MED13L: variants seen among roughly 807,000 people sequenced by gnomAD.
MED13L encodes the protein mediator complex subunit 13L, also known as mediator of RNA polymerase II transcription subunit 13-like.
MED13L carries 7 observed loss-of-function variants against 220.9 expected under a neutral mutation model. That is an observed-to-expected ratio of 0.03 (90% CI 0.02 to 0.06). The LOEUF is 0.06. MED13L is among the 10% of genes least tolerant of loss of function. MED13L has a pLI of 1.00. For missense variants in MED13L, 1,965 were observed against 2,760.5 expected (o/e 0.71, Z 6.46); for synonymous variants, 1,011 against 1,015.2 (o/e 1.00, Z 0.08).
At chr12:116,213,954 C>G (rs1266987111) in intron 2 of MED13L, among the ~76,000 whole-genome samples, 4 of 152,202 alleles carry the variant, frequency 2.6e-5, no homozygotes, top group African/African-American at 9.6e-5. Context: ...GTGTTACATC[C>G]ATCTTGTATA....
At chr12:116,225,715 T>A (rs1337623720) in intron 2 of MED13L, among the ~76,000 whole-genome samples, 1 of 152,186 alleles carries the variant, frequency 6.6e-6, no homozygotes, top group Non-Finnish European at 1.5e-5. Flanking sequence ...TTTAAACAAG[T>A]TCAAGATTAC....
At chr12:116,041,660 C>T (rs922790360) in intron 4 of MED13L, among the ~76,000 whole-genome samples, 9 of 152,128 alleles carry the variant, frequency 5.9e-5, no homozygotes, top group African/African-American at 9.7e-5. Flanking sequence ...CTGGCTAACA[C>T]GGTGAAACCC....
At chr12:116,198,077 CATG>C (rs1881756611) in intron 2 of MED13L, among the ~76,000 whole-genome samples, 2 of 152,092 alleles carry the variant, frequency 1.3e-5, no homozygotes, top group South Asian at 4.2e-4. Context: ...ATAACCAAAA[CATG>C]ATGTTATTTG....
At chr12:116,256,315 A>G (rs1206980965) in intron 1 of MED13L, among the ~76,000 whole-genome samples, 1 of 151,884 alleles carries the variant, frequency 6.6e-6, no homozygotes. Flanking sequence ...ACCCTACTTA[A>G]GCAATAATAT....
intron 3 of MED13L, 76 bp from the exon 4 acceptor site, chr12:116,096,828 TGA>T: frequency 9.9e-7 from 1 of 1,013,690 alleles, no homozygotes; most frequent in Admixed American, 1.7e-5. Context: ...ATACACCAGA[TGA>T]GATATATCAC....
intron 4 of MED13L, among the ~76,000 whole-genome samples, chr12:116,080,349 C>T (rs1047322997): frequency 1.3e-5 from 2 of 152,096 alleles, no homozygotes; most frequent in Non-Finnish European, 2.9e-5. Context: ...ATTAGAAGTT[C>T]CCCAAGATAC....
intron 4 of MED13L, among the ~76,000 whole-genome samples, chr12:116,073,977 ACTG>A (rs1233129779): frequency 6.6e-6 from 1 of 152,194 alleles, no homozygotes; most frequent in African/African-American, 2.4e-5. Context: ...GCTTTATGTG[ACTG>A]CTAACAGGGT....
At position 116,200,587 on chromosome 12, in the gene MED13L, G is replaced by A. The variant is rs111467243; in HGVS notation, c.310+36881C>T. Among the ~76,000 whole-genome samples the A allele has an allele frequency of 6.0e-3, 917 of 152,174 alleles. 8 individuals carry two copies. The highest frequency in any genetic ancestry group is 0.021 in the African/African-American group (856 of 41,532). ...AAAGTGCTAACAGAAGAATATGTACGTAAACTGTCCTCAATGAGCCTACAC... is the reference window on the plus strand; with the variant it reads ...AAAGTGCTAACAGAAGAATATGTACATAAACTGTCCTCAATGAGCCTACAC... On this transcript the variant is annotated intron_variant, in intron 2 of 30. Coordinates refer to ENST00000281928, the MANE Select transcript of MED13L (RefSeq NM_015335.5).
chr12:116,174,540 G>A (rs1879908993), intron 2 of MED13L: 1 of 151,560 alleles, frequency 6.6e-6, no homozygotes, highest in African/African-American at 2.4e-5. Context: ...AGGAACCTAA[G>A]GTCAAAGCAT....
chr12:115,986,561 G>T, intron 18 of MED13L, 72 bp from the exon 19 acceptor site: 8 of 1,374,402 alleles, frequency 5.8e-6, no homozygotes, highest in South Asian at 3.6e-5. Context: ...GAAATTCCTG[G>T]TGCACTGGTC....
intron 2 of MED13L, among the ~76,000 whole-genome samples, chr12:116,125,577 T>C (rs1181999476): frequency 6.6e-6 from 1 of 152,222 alleles, no homozygotes; most frequent in Non-Finnish European, 1.5e-5. Flanking sequence ...CTTAAAATTT[T>C]CATCATCTGA....
rs371783899 is a variant in MED13L at position 116,236,809 on chromosome 12, T to G, written c.310+659A>C. The G allele has an allele frequency of 9.4e-5, 91 of 972,584 alleles. No individual in the cohort carries two copies. In the East Asian group the frequency reaches 6.3e-3, roughly 67 times the overall value. 60.2% of individuals were successfully genotyped at this position (972,584 alleles called of 1,614,324 possible). On this transcript the variant is annotated intron_variant, in intron 2 of 30. Transcript: ENST00000281928. ...AAATATATAAAGCAGCACAGAAAAA[T>G]GAAACTCTTACATTAATTCAGTTTC...
At chr12:116,263,144 TTG>T (rs1565956207) in intron 1 of MED13L, among the ~76,000 whole-genome samples, 3 of 152,168 alleles carry the variant, frequency 2.0e-5, no homozygotes. Context: ...CTGAAAATTT[TTG>T]AAGTACCTTT....
intron 7 of MED13L, among the ~76,000 whole-genome samples, chr12:116,017,730 C>T (rs1879811555): frequency 1.3e-5 from 2 of 152,182 alleles, no homozygotes; most frequent in South Asian, 2.1e-4. Context: ...ATCTTCCCAC[C>T]TCAGCCTCCC....
chr12:116,063,202 C>T (rs1342552539), intron 4 of MED13L, among the ~76,000 whole-genome samples: 1 of 152,150 alleles, frequency 6.6e-6, no homozygotes, highest in African/African-American at 2.4e-5. Flanking sequence ...CAGAAGACCA[C>T]TTTTTTGTAC....
chr12:116,023,950 A>G (rs941157759), intron 4 of MED13L, among the ~76,000 whole-genome samples: 3 of 152,234 alleles, frequency 2.0e-5, no homozygotes, highest in Admixed American at 1.3e-4. Flanking sequence ...CATCTTCTAC[A>G]TACAACATTA....
chr12:116,007,353 T>C, intron 11 of MED13L, 58 bp downstream of exon 11: 1 of 1,491,802 alleles, frequency 6.7e-7, no homozygotes, highest in Non-Finnish European at 9.4e-7. Flanking sequence ...CCACACATGT[T>C]GTACTGACAT....
chr12:116,145,719 G>C (rs1386317182), intron 2 of MED13L, among the ~76,000 whole-genome samples: 1 of 138,564 alleles, frequency 7.2e-6, no homozygotes, highest in Non-Finnish European at 1.5e-5. Context: ...TTTTTGTAGA[G>C]TCTTGCTAAG....
intron 4 of MED13L, among the ~76,000 whole-genome samples, chr12:116,031,150 C>CT (rs1880711295): frequency 6.6e-6 from 1 of 152,160 alleles, no homozygotes; most frequent in African/African-American, 2.4e-5. Context: ...AAGCAATTGT[C>CT]TTGCTTCATG....
Sources: gnomAD v4.1 joint callset for allele counts (sites outside exome capture counted in the v4.1 genomes callset) on GRCh38, gnomAD v4.1.1 for gene constraint, MANE v1.5 for transcripts, NCBI Gene and HGNC (gene_info 2026-07-23, HGNC 2026-07-21) for gene names.